Variants in RBPJ observed in about 807,000 individuals in gnomAD.
RBPJ encodes the protein recombining binding protein suppressor of hairless.
RBPJ carries 9 observed loss-of-function variants against 67.8 expected under a neutral mutation model. The observed-to-expected ratio is 0.13, with a 90% CI of 0.08 to 0.23. RBPJ has a LOEUF of 0.23. Ranked by LOEUF, RBPJ falls within the 10% of genes least tolerant of loss-of-function variation. RBPJ has a pLI of 1.00. For missense variants in RBPJ, 305 were observed against 595.6 expected (o/e 0.51, Z 5.08); for synonymous variants, 198 against 203.3 (o/e 0.97, Z 0.22).
At chr4:26,385,812 TA>T (rs1730858468) in intron 1 of RBPJ, among the ~76,000 whole-genome samples, 1 of 151,430 alleles carries the variant, frequency 6.6e-6, no homozygotes. Flanking sequence ...TTTTTTATTT[TA>T]TTTTTTTGAG....
intron 1 of RBPJ, among the ~76,000 whole-genome samples, chr4:26,335,486 C>G (rs2109370373): frequency 6.6e-6 from 1 of 150,938 alleles, no homozygotes; most frequent in South Asian, 2.1e-4. Context: ...GGCCTGCATC[C>G]ATTATTTCTT....
intron 1 of RBPJ, among the ~76,000 whole-genome samples, chr4:26,178,599 C>A (rs1431838421): frequency 1.4e-5 from 2 of 141,798 alleles, no homozygotes; most frequent in Admixed American, 7.2e-5. Flanking sequence ...CAGAGCAAGA[C>A]CCCGTATCAA....
intron 1 of RBPJ, among the ~76,000 whole-genome samples, chr4:26,312,545 C>T (rs558106741): frequency 6.6e-6 from 1 of 152,300 alleles, no homozygotes; most frequent in South Asian, 2.1e-4. Context: ...AGAGCCTGAA[C>T]GTGCTGTTTC....
chr4:26,148,049 T>C, the RBPJ span, among the ~76,000 whole-genome samples: 1 of 152,192 alleles, frequency 6.6e-6, no homozygotes, highest in African/African-American at 2.4e-5. Flanking sequence ...TTCTAGTGTA[T>C]ACTAACATTT....
At chr4:26,270,355 GAGAA>G (rs1179109682) in intron 1 of RBPJ, among the ~76,000 whole-genome samples, 608 of 52,062 alleles carry the variant, frequency 0.012, 3 homozygotes, top group Middle Eastern at 0.029. Context: ...GAGAGAGCAA[GAGAA>G]AGAAAGAAAG....
chr4:26,181,804 AT>A (rs1717007481), intron 1 of RBPJ, among the ~76,000 whole-genome samples: 1 of 152,206 alleles, frequency 6.6e-6, no homozygotes, highest in Non-Finnish European at 1.5e-5. Context: ...AAAAAATGGT[AT>A]ACTTGCATAG....
At chr4:26,361,010 C>T (rs1344472999) in intron 1 of RBPJ, among the ~76,000 whole-genome samples, 2 of 148,932 alleles carry the variant, frequency 1.3e-5, no homozygotes, top group Non-Finnish European at 3.0e-5. Flanking sequence ...TCTGGAGGAG[C>T]AGAGTGTAGG....
chr4:26,315,587 C>A (rs1360318801), upstream of RBPJ, among the ~76,000 whole-genome samples: 1 of 152,088 alleles, frequency 6.6e-6, no homozygotes, highest in Non-Finnish European at 1.5e-5. Flanking sequence ...TTCAGCTGTG[C>A]ACGTATTCTC....
intron 1 of RBPJ, among the ~76,000 whole-genome samples, chr4:26,270,369 G>GAAAGAAAGAAAGAA (rs1310254309): frequency 6.3e-5 from 2 of 31,608 alleles, no homozygotes; most frequent in Non-Finnish European, 1.4e-4. Context: ...AAGAAAGAAA[G>GAAAGAAAGAAAGAA]AAAGAAAGAA....
At chr4:26,130,389 C>G in the RBPJ span, among the ~76,000 whole-genome samples, 3 of 152,120 alleles carry the variant, frequency 2.0e-5, no homozygotes, top group African/African-American at 7.2e-5. Context: ...ATTTTTGAAT[C>G]ATTCTCTTAC....
the RBPJ span, among the ~76,000 whole-genome samples, chr4:26,140,095 G>C: frequency 6.6e-6 from 1 of 152,210 alleles, no homozygotes; most frequent in East Asian, 1.9e-4. Flanking sequence ...AAAAATTAGA[G>C]ATAGTGGTGA....
the RBPJ span, among the ~76,000 whole-genome samples, chr4:26,151,200 T>C: frequency 3.3e-5 from 5 of 152,204 alleles, no homozygotes; most frequent in African/African-American, 1.2e-4. Flanking sequence ...TTGGGGTTTT[T>C]TCCAGGAGGC....
intron 1 of RBPJ, among the ~76,000 whole-genome samples, chr4:26,277,661 G>A (rs960743513): frequency 6.6e-6 from 1 of 152,212 alleles, no homozygotes; most frequent in Non-Finnish European, 1.5e-5. Flanking sequence ...TCCTTTGCAG[G>A]ATTTAAAACT....
In RBPJ at chr4:26,246,255, T is replaced by A. The variant is rs148378217; in HGVS notation, c.-167+82641T>A. Reference sequence around the variant, plus strand: ...AATTTATTTCAATGATGTTTCATAGTTTCTGGTGTTTAGGACTTGCACTGT... The same window carrying A: ...AATTTATTTCAATGATGTTTCATAGATTCTGGTGTTTAGGACTTGCACTGT... On this transcript the variant is annotated intron_variant, in intron 1 of 4. Coordinates refer to the RBPJ transcript ENST00000512351. Among the ~76,000 whole-genome samples the A allele has an allele frequency of 2.3e-4, 35 of 152,368 alleles. 1 individual carries two copies. In the East Asian group the frequency reaches 6.6e-3, roughly 29 times the overall value.
Position 26,173,538 on chromosome 4 carries a change from C to T in RBPJ, c.-167+9924C>T, listed in dbSNP as rs187281366. Among the ~76,000 whole-genome samples, 406 of 152,258 alleles carry T rather than the reference C, an allele frequency of 2.7e-3. 1 individual carries two copies. The highest frequency in any genetic ancestry group is 9.3e-3 in the African/African-American group (388 of 41,546). ...GAGAAAGCTGAAAACCAACACTGAC[C>T]TATGTGAAATTTTATTTACGTCTAA... On this transcript the variant is annotated intron_variant, in intron 1 of 4. Coordinates refer to the RBPJ transcript ENST00000512351.
intron 1 of RBPJ, among the ~76,000 whole-genome samples, chr4:26,189,815 A>G (rs1325983961): frequency 6.6e-6 from 1 of 152,212 alleles, no homozygotes; most frequent in Non-Finnish European, 1.5e-5. Flanking sequence ...AAACATTGCT[A>G]TGTTCATTGA....
intron 1 of RBPJ, among the ~76,000 whole-genome samples, chr4:26,261,303 GA>G (rs952268689): frequency 1.1e-4 from 16 of 152,132 alleles, no homozygotes; most frequent in African/African-American, 3.9e-4. Context: ...CTGGAGGGCT[GA>G]GATGAATTAA....
chr4:26,275,693 C>T (rs1334968249), intron 1 of RBPJ, among the ~76,000 whole-genome samples: 2 of 152,092 alleles, frequency 1.3e-5, no homozygotes, highest in East Asian at 1.9e-4. Flanking sequence ...TGCAGTAGCG[C>T]GATCTCGGCT....
intron 7 of RBPJ, among the ~76,000 whole-genome samples, chr4:26,427,304 A>G (rs1173588386): frequency 6.6e-6 from 1 of 152,142 alleles, no homozygotes; most frequent in South Asian, 2.1e-4. Context: ...TTGGGGAAGG[A>G]TCAAGTTTAG....
Sources: allele counts gnomAD v4.1 joint callset (sites outside exome capture counted in the v4.1 genomes callset), GRCh38; gene constraint gnomAD v4.1.1; transcripts MANE v1.5; gene names NCBI Gene and HGNC (gene_info 2026-07-23, HGNC 2026-07-21).